The following JAK1 variants were observed in gnomAD, a reference collection of about 807,000 sequenced individuals.
JAK1 encodes the protein Janus kinase 1, also known as tyrosine-protein kinase JAK1.
Under a neutral mutation model 136.6 loss-of-function variants are expected in JAK1, and 16 were observed. The observed-to-expected ratio is 0.12, with a 90% CI of 0.08 to 0.18. JAK1 has a LOEUF of 0.18. JAK1 is among the 10% of genes least tolerant of loss of function. JAK1 has a pLI of 1.00. For synonymous variants in JAK1, 492 were observed against 519.5 expected (o/e 0.95, Z 0.72); for missense variants, 859 against 1,450.1 (o/e 0.59, Z 6.62).
At chr1:65,043,789 C>T (rs905246586) in intron 2 of JAK1, among the ~76,000 whole-genome samples, 25 of 148,914 alleles carry the variant, frequency 1.7e-4, no homozygotes, top group African/African-American at 5.9e-4. Flanking sequence ...GTGGCACAAT[C>T]GCAGCTCACT....
At chr1:65,008,309 G>A (rs1004973737) in intron 2 of JAK1, among the ~76,000 whole-genome samples, 47 of 152,264 alleles carry the variant, frequency 3.1e-4, no homozygotes, top group African/African-American at 1.1e-3. Context: ...CATTGAGTAG[G>A]GCAATTTGCA....
chr1:64,847,712 T>C (rs749781950), intron 12 of JAK1, 37 bp from the exon 13 acceptor site: 1 of 1,606,134 alleles, frequency 6.2e-7, no homozygotes, highest in South Asian at 1.1e-5. Flanking sequence ...GACCTCTCTG[T>C]GCCCTGAAGT....
At position 65,018,963 on chromosome 1, in the gene JAK1, A is replaced by C. The variant is rs546337989; in HGVS notation, c.-78+25517T>G. On this transcript the variant is annotated intron_variant, in intron 2 of 25. Transcript: ENST00000671954. Reference sequence around the variant, plus strand: ...GAGGCGGAGCTTGCAGTGAGCCAAGATCGCGCCACTGCCCTCCATCGTGGG... The same window carrying C: ...GAGGCGGAGCTTGCAGTGAGCCAAGCTCGCGCCACTGCCCTCCATCGTGGG... Among the ~76,000 whole-genome samples the C allele has an allele frequency of 2.2e-3, 340 of 152,336 alleles. 3 individuals carry two copies. The highest frequency in any genetic ancestry group is 7.8e-3 in the African/African-American group (326 of 41,568).
rs750933573 is a variant in JAK1 at position 64,844,824 on chromosome 1, G to C, written c.2181C>G (p.Ile727Met). ...TGATGAATGGGCCACACTCACTGTCGATGCCCTCACGGGCCAGGAGGAGGT... is the reference window on the plus strand; with the variant it reads ...TGATGAATGGGCCACACTCACTGTCCATGCCCTCACGGGCCAGGAGGAGGT... ...TKNLLLAREG[I>M]DSECGPFIKL... The change falls in exon 16 of 25, where the codon ATC becomes ATG. Residue 727 changes from isoleucine (I) to methionine (M), a missense_variant. Around this residue, in one of 4 missense-constraint regions of JAK1, gnomAD observed 409 missense variants for 753.8 expected, o/e 0.54. Transcript: ENST00000342505. This position sits in a 1 kb window ranked among gnomAD's most constrained non-coding sequence, Gnocchi z 5.7. The C allele has an allele frequency of 5.0e-6, 8 of 1,614,068 alleles. No homozygotes were observed. The African/African-American group carries it at 9.3e-5, about 19-fold the overall frequency.
chr1:64,838,810 A>G (rs937083086), intron 20 of JAK1, among the ~76,000 whole-genome samples: 2 of 152,202 alleles, frequency 1.3e-5, no homozygotes, highest in African/African-American at 4.8e-5. Flanking sequence ...CACTGAGATA[A>G]CAGTCAGAGT....
At chr1:64,906,068 G>A (rs1400869783) in intron 1 of JAK1, among the ~76,000 whole-genome samples, 2 of 152,216 alleles carry the variant, frequency 1.3e-5, no homozygotes, top group Non-Finnish European at 2.9e-5. Flanking sequence ...GCCAAGGTGA[G>A]TGGATCACTT....
At chr1:65,009,835 A>G (rs1335379587) in intron 2 of JAK1, among the ~76,000 whole-genome samples, 4 of 152,196 alleles carry the variant, frequency 2.6e-5, no homozygotes, top group Non-Finnish European at 5.9e-5. Flanking sequence ...TGGCTCTTAC[A>G]TCTCAGGTCT....
At chr1:64,839,545 T>C (rs1654756632) in intron 20 of JAK1, 58 bp downstream of exon 20, 10 of 1,513,520 alleles carry the variant, frequency 6.6e-6, no homozygotes, top group South Asian at 1.2e-5. Context: ...GCACTGGCCT[T>C]TATGACCCTA....
chr1:64,990,783 G>A (rs1646648295), intron 2 of JAK1: 1 of 151,866 alleles, frequency 6.6e-6, no homozygotes, highest in Admixed American at 6.6e-5. Context: ...TTAGCCGGCA[G>A]TGGTAGCATG....
chr1:64,947,661 C>T (rs1466630344), intron 1 of JAK1, among the ~76,000 whole-genome samples: 1 of 151,180 alleles, frequency 6.6e-6, no homozygotes, highest in Non-Finnish European at 1.5e-5. Flanking sequence ...AATACAGGTA[C>T]CCAACAGAAA....
At chr1:65,039,792 T>C (rs1298810889) in intron 2 of JAK1, among the ~76,000 whole-genome samples, 1 of 152,204 alleles carries the variant, frequency 6.6e-6, no homozygotes, top group Non-Finnish European at 1.5e-5. Context: ...TGTGTTCTAT[T>C]TGGTTCCTTC....
chr1:64,963,537 T>C lies in JAK1; in HGVS notation c.-78+2796A>G, dbSNP rs115453053. ...AAACCATCCACAGGCGGCTTTTTAC[T>C]CAACATATTGCCTTAACCCTGGTTC... On this transcript the variant is annotated intron_variant, in intron 1 of 24. Coordinates refer to ENST00000342505, the MANE Select transcript of JAK1 (RefSeq NM_002227.4). 8.5e-3 allele frequency among the ~76,000 whole-genome samples: 1,300 copies of C among 152,306 alleles called. 5 individuals carry two copies. The highest frequency in any genetic ancestry group is 0.015 in the Non-Finnish European group (1,000 of 68,030).
intron 22 of JAK1, 128 bp downstream of exon 22, chr1:64,837,804 T>C: frequency 1.4e-6 from 1 of 697,460 alleles, no homozygotes; most frequent in Non-Finnish European, 2.3e-6. Context: ...ATTCCAAATG[T>C]TCTAAACCTT....
chr1:64,967,984 A>C (rs1646412303), upstream of JAK1, among the ~76,000 whole-genome samples: 1 of 152,144 alleles, frequency 6.6e-6, no homozygotes, highest in Non-Finnish European at 1.5e-5. Flanking sequence ...CCTTCCTTAA[A>C]GGGGTTTTGC....
upstream of JAK1, among the ~76,000 whole-genome samples, chr1:64,968,035 T>G (rs1223441094): frequency 6.6e-6 from 1 of 152,138 alleles, no homozygotes; most frequent in Non-Finnish European, 1.5e-5. Flanking sequence ...TGGCATGGGC[T>G]CAGGAAGTGG....
At chr1:64,926,107 C>T (rs954813649) in intron 1 of JAK1, among the ~76,000 whole-genome samples, 1 of 152,126 alleles carries the variant, frequency 6.6e-6, no homozygotes, top group Non-Finnish European at 1.5e-5. Flanking sequence ...GCTGTGGACC[C>T]CAGGACCACA....
At chr1:65,038,937 C>CG (rs1569926646) in intron 2 of JAK1, among the ~76,000 whole-genome samples, 1 of 110,034 alleles carries the variant, frequency 9.1e-6, no homozygotes, top group East Asian at 3.5e-4. Context: ...CGCACCCAGT[C>CG]TTGTGTGTGT....
chr1:64,902,523 G>C (rs1461555524), intron 1 of JAK1, among the ~76,000 whole-genome samples: 1 of 145,406 alleles, frequency 6.9e-6, no homozygotes, highest in African/African-American at 2.7e-5. Flanking sequence ...TGAGCACTGG[G>C]GACATGGTGC....
intron 1 of JAK1, among the ~76,000 whole-genome samples, chr1:65,058,000 C>T (rs1009301304): frequency 6.6e-6 from 1 of 152,074 alleles, no homozygotes; most frequent in African/African-American, 2.4e-5. Context: ...ATTTATGCAA[C>T]AATTTCAATA....
Sources: gnomAD v4.1 joint callset for allele counts (sites outside exome capture counted in the v4.1 genomes callset) on GRCh38, gnomAD v4.1.1 for gene constraint, gnomAD v4.1.1 regional missense constraint, Gnocchi (gnomAD v3.1) non-coding constraint, MANE v1.5 for transcripts, NCBI Gene and HGNC (gene_info 2026-07-23, HGNC 2026-07-21) for gene names.